Variants in KIAA0319 observed in about 807,000 individuals in gnomAD.
The protein encoded by KIAA0319 is dyslexia-associated protein KIAA0319.
Under a neutral mutation model 108.4 loss-of-function variants are expected in KIAA0319, and 83 were observed. The ratio of observed to expected loss-of-function variants is 0.77; its 90% CI spans 0.64 to 0.92. The LOEUF (loss-of-function observed/expected upper bound fraction) is 0.92, where lower values mean the gene tolerates loss of function less well. KIAA0319 is among the 40% of genes least tolerant of loss of function. The pLI is 0.00. For missense variants in KIAA0319, 1,195 were observed against 1,322.4 expected, an observed-to-expected ratio of 0.90 and a Z score of 1.49; for synonymous variants, 484 against 510.4, an observed-to-expected ratio of 0.95 and a Z score of 0.70.
At chr6:24,555,765 C>T (rs898735362) in intron 18 of KIAA0319, among the ~76,000 whole-genome samples, 2 of 152,240 alleles carry the variant, frequency 1.3e-5, no homozygotes, top group East Asian at 3.9e-4. Context: ...TTTTTGGTGC[C>T]TGCCTGTGTG....
chr6:24,574,673 T>C (rs2744557), intron 10 of KIAA0319, among the ~76,000 whole-genome samples: 6 of 152,096 alleles, frequency 3.9e-5, no homozygotes, highest in Non-Finnish European at 8.8e-5. Flanking sequence ...AGATTGTCTA[T>C]AGATAAATGT....
downstream of KIAA0319, among the ~76,000 whole-genome samples, chr6:24,542,012 C>T (rs112356786): frequency 4.7e-3 from 723 of 152,288 alleles, 4 homozygotes; most frequent in South Asian, 0.012. Context: ...TGGTAACACA[C>T]ATCTGTAATC....
chr6:24,616,847 T>C (rs1773224544), intron 1 of KIAA0319, among the ~76,000 whole-genome samples: 2 of 152,202 alleles, frequency 1.3e-5, no homozygotes, highest in South Asian at 4.1e-4. Context: ...GTTGCTTTCT[T>C]AGTTTTCTAT....
At chr6:24,604,592 C>A (rs1771134431) in intron 1 of KIAA0319, among the ~76,000 whole-genome samples, 2 of 152,196 alleles carry the variant, frequency 1.3e-5, no homozygotes. Context: ...GTGCAAGGTA[C>A]AACTTTCACA....
chr6:24,550,620 T>A lies in KIAA0319; in HGVS notation c.3040+814A>T, dbSNP rs145533863. Among the ~76,000 whole-genome samples, 13 of 152,338 alleles carry A rather than the reference T, an allele frequency of 8.5e-5. No homozygotes were observed. In the East Asian group the frequency reaches 2.5e-3, roughly 29 times the overall value. Reference sequence around the variant, plus strand: ...CTTTGTGTCCATCTTTATCAATGGCTAATTAGATAACGCAGCTGCTGAAAA... The same window carrying A: ...CTTTGTGTCCATCTTTATCAATGGCAAATTAGATAACGCAGCTGCTGAAAA... On this transcript the variant is annotated intron_variant, in intron 20 of 20. Transcript: ENST00000378214.
chr6:24,620,725 TA>T (rs1419576773), intron 1 of KIAA0319, among the ~76,000 whole-genome samples: 1 of 152,184 alleles, frequency 6.6e-6, no homozygotes, highest in African/African-American at 2.4e-5. Context: ...TAACGGAATT[TA>T]TTTTCTCAAA....
intron 4 of KIAA0319, among the ~76,000 whole-genome samples, chr6:24,586,730 GT>G (rs201398576): frequency 8.0e-5 from 12 of 149,262 alleles, no homozygotes; most frequent in South Asian, 2.1e-4. Flanking sequence ...TTATAAACTT[GT>G]TTTTTTTTTC....
chr6:24,583,727 G>T lies in KIAA0319; in HGVS notation c.995-25C>A, dbSNP rs777920928. The T allele has an allele frequency of 6.5e-6, 9 of 1,374,220 alleles. No homozygotes were observed. The East Asian group carries it at 1.1e-4, about 17-fold the overall frequency. The allele number at this position is 1,374,220 out of a possible 1,614,324, so 85.1% of individuals were successfully genotyped here. A position where few individuals can be genotyped will look rare whatever the true frequency, so the allele number is the denominator to read the frequency against. ...ACTAAAAGTTAATTAGAAATAATAC[G>T]TGCAATTATATAATATAATGTGTTA... is the stretch of plus-strand genomic sequence containing the variant. On this transcript the variant is annotated intron_variant, in intron 4 of 20. Coordinates refer to ENST00000378214, the MANE Select transcript of KIAA0319 (RefSeq NM_014809.4).
chr6:24,565,792 T>C (rs1763829215), intron 14 of KIAA0319, among the ~76,000 whole-genome samples: 2 of 150,394 alleles, frequency 1.3e-5, no homozygotes. Flanking sequence ...AGAAATGGAT[T>C]AGTTAACCTC....
At chr6:24,607,796 C>T (rs1771643833) in intron 1 of KIAA0319, among the ~76,000 whole-genome samples, 2 of 152,030 alleles carry the variant, frequency 1.3e-5, no homozygotes, top group African/African-American at 4.8e-5. Flanking sequence ...AAAATGAATG[C>T]TTAAGTATGC....
intron 3 of KIAA0319, among the ~76,000 whole-genome samples, chr6:24,594,648 A>AG (rs1769174960): frequency 6.6e-6 from 1 of 151,818 alleles, no homozygotes; most frequent in Non-Finnish European, 1.5e-5. Flanking sequence ...ACAACAAAAA[A>AG]AAAAAACACT....
At chr6:24,638,595 C>T (rs1045147043) in intron 1 of KIAA0319, among the ~76,000 whole-genome samples, 1 of 152,000 alleles carries the variant, frequency 6.6e-6, no homozygotes, top group African/African-American at 2.4e-5. Context: ...CCTGTCTCTA[C>T]TAAAAATACA....
At chr6:24,603,618 C>G (rs1021831660) in intron 1 of KIAA0319, among the ~76,000 whole-genome samples, 1 of 152,172 alleles carries the variant, frequency 6.6e-6, no homozygotes, top group African/African-American at 2.4e-5. Flanking sequence ...TCCAGAAGCA[C>G]TGCAGTACTT....
rs199526875 is a variant in KIAA0319, at chr6:24,572,650, A to C, written c.1783T>G (p.Tyr595Asp). The C allele has an allele frequency of 6.2e-7, 1 of 1,613,970 alleles. No individual in the cohort carries two copies. Among genetic ancestry groups the C allele is most frequent in the Non-Finnish European group, 8.5e-7 (1 of 1,179,860 alleles). ...TCTGTCACCTTCAGCTGAAATGTAT[A>C]ATCTCCTTCCTGCATTGCAGATAAA... ...LHLSAMQEGD[Y>D]TFQLKVTDSS... Residue 595 changes from tyrosine (Y) to aspartate (D), a missense_variant, in exon 11 of 21, where the codon TAT becomes GAT. Tyr to Asp is a radical substitution (Grantham distance 160, BLOSUM62 -3). Coordinates refer to ENST00000378214, the MANE Select transcript of KIAA0319 (RefSeq NM_014809.4).
At chr6:24,556,847 G>T in intron 17 of KIAA0319, 118 bp from the exon 18 acceptor site, 1 of 1,176,350 alleles carries the variant, frequency 8.5e-7, no homozygotes. Context: ...TGAATTAAGA[G>T]CCTCTTACAG....
chr6:24,614,551 C>CG (rs1562072034), intron 1 of KIAA0319, among the ~76,000 whole-genome samples: 1 of 151,304 alleles, frequency 6.6e-6, no homozygotes, highest in Non-Finnish European at 1.5e-5. Flanking sequence ...TTTAATCCTT[C>CG]GGGAAAAAAA....
At chr6:24,555,670 A>G (rs1437986412) in intron 18 of KIAA0319, among the ~76,000 whole-genome samples, 2 of 146,990 alleles carry the variant, frequency 1.4e-5, no homozygotes, top group Non-Finnish European at 1.5e-5. Context: ...CTGGTTCCCC[A>G]AACAACAAAT....
chr6:24,630,194 T>C (rs1775339849), intron 1 of KIAA0319, among the ~76,000 whole-genome samples: 1 of 150,044 alleles, frequency 6.7e-6, no homozygotes, highest in Admixed American at 6.7e-5. Flanking sequence ...ATAAAAATAA[T>C]AATAGCGTGA....
intron 16 of KIAA0319, among the ~76,000 whole-genome samples, chr6:24,560,066 T>C (rs1762894795): frequency 1.3e-5 from 2 of 152,264 alleles, no homozygotes; most frequent in South Asian, 2.1e-4. Context: ...AATGATATTC[T>C]GTTGTATGAA....
Sources: allele counts gnomAD v4.1 joint callset (sites outside exome capture counted in the v4.1 genomes callset), GRCh38; gene constraint gnomAD v4.1.1; transcripts MANE v1.5; gene names NCBI Gene and HGNC (gene_info 2026-07-23, HGNC 2026-07-21).